The following GANC variants were observed in gnomAD, a reference collection of about 807,000 sequenced individuals.
The protein encoded by GANC is neutral alpha-glucosidase C.
Under a neutral mutation model 124.2 loss-of-function variants are expected in GANC, and 117 were observed. The observed-to-expected ratio is 0.94, with a 90% CI of 0.81 to 1.10. GANC has a LOEUF of 1.10. GANC is among the 50% of genes least tolerant of loss of function. The pLI is 0.00. For missense variants in GANC, 1,140 were observed against 1,095.0 expected (o/e 1.04, Z -0.58); for synonymous variants, 377 against 376.8 (o/e 1.00, Z -0.01).
In GANC at chr15:42,326,444, A is replaced by G; in HGVS notation, c.1420+20A>G. ...GGCCAGGTATGAAATCACTTTATAC[A>G]CTTATTATTTCCACATGTTCTGTCC... On this transcript the variant is annotated intron_variant, in intron 12 of 23. Coordinates refer to ENST00000318010, the MANE Select transcript of GANC (RefSeq NM_198141.3). 6.2e-7 allele frequency: 1 copy of G among 1,613,630 alleles called. No individual in the cohort carries two copies.
At chr15:42,307,645 C>G (rs1424169036) in intron 7 of GANC, among the ~76,000 whole-genome samples, 7 of 152,138 alleles carry the variant, frequency 4.6e-5, no homozygotes, top group Admixed American at 3.9e-4. Context: ...TCCCATAGCT[C>G]TAAAATAATT....
intron 10 of GANC, among the ~76,000 whole-genome samples, chr15:42,315,849 T>G (rs1024871541): frequency 6.6e-6 from 1 of 152,006 alleles, no homozygotes; most frequent in Non-Finnish European, 1.5e-5. Context: ...CAGCCTGCCT[T>G]CAGGCTCAAG....
chr15:42,344,377 C>G lies in GANC; in HGVS notation c.2229+1223C>G, dbSNP rs142881271. 3.7e-3 allele frequency among the ~76,000 whole-genome samples: 568 copies of G among 152,232 alleles called. 3 individuals are homozygous for G. Among genetic ancestry groups the G allele is most frequent in the African/African-American group, 0.013 (544 of 41,512 alleles). On this transcript the variant is annotated intron_variant, in intron 19 of 23. Transcript: ENST00000318010. ...TGTAGCCACGTCACTGCAGTCTCGC[C>G]TATCTTCATGTTGCCTTTTCCTCTG...
In GANC at chr15:42,314,370, A is replaced by G. The variant is rs573347054; in HGVS notation, c.1057+3524A>G. ...GATCTATATTGGAAGGCATCTGACA[A>G]CTTCTACCAGCACCTTTTGATGAAT... On this transcript the variant is annotated intron_variant, in intron 10 of 23. Transcript: ENST00000318010. 7 of 504,466 alleles carry G rather than the reference A, an allele frequency of 1.4e-5. No individual in the cohort carries two copies. In the Admixed American group the frequency reaches 2.4e-4, roughly 18 times the overall value. 31.2% of individuals were successfully genotyped at this position (504,466 alleles called of 1,614,324 possible).
At chr15:42,300,064 C>T (rs1001045065) in intron 6 of GANC, among the ~76,000 whole-genome samples, 1 of 152,174 alleles carries the variant, frequency 6.6e-6, no homozygotes, top group Non-Finnish European at 1.5e-5. Context: ...GCAAAGACTT[C>T]GTGATGAAAG....
chr15:42,282,089 G>A (rs1048660991), intron 3 of GANC, among the ~76,000 whole-genome samples: 2 of 152,156 alleles, frequency 1.3e-5, no homozygotes, highest in South Asian at 2.1e-4. Flanking sequence ...TTGGTAGGCC[G>A]AGGCGGGCAG....
At chr15:42,341,130 A>G (rs2052327067) in intron 18 of GANC, among the ~76,000 whole-genome samples, 1 of 138,970 alleles carries the variant, frequency 7.2e-6, no homozygotes, top group African/African-American at 2.8e-5. Context: ...ATTTTCTAAT[A>G]TAAGAGCAAT....
intron 10 of GANC, chr15:42,314,306 G>C: frequency 1.7e-6 from 1 of 602,960 alleles, no homozygotes; most frequent in Non-Finnish European, 3.0e-6. Context: ...ATTTCCAAAG[G>C]GTTTTGCTGC....
chr15:42,327,112 G>A (rs1176320086), intron 12 of GANC, among the ~76,000 whole-genome samples: 2 of 152,140 alleles, frequency 1.3e-5, no homozygotes, highest in Admixed American at 6.5e-5. Context: ...CATCAGTGAG[G>A]GACAGGCTCT....
At position 42,339,779 on chromosome 15, in the gene GANC, C is replaced by T. The variant is rs761949022; in HGVS notation, c.1954C>T (p.Arg652Ter). ...TGGCCATGCCACCATGAACACCAAG[C>T]GACGAGAGCCCTGGCTCTTTGGGGA... ...FRGHATMNTK[R>*]REPWLFGEEH... Residue 652 changes from arginine to a stop codon, truncating the protein, a stop_gained, in exon 17 of 24, where the codon CGA becomes TGA. Coordinates refer to ENST00000318010, the MANE Select transcript of GANC (RefSeq NM_198141.3). LOFTEE classifies it high-confidence loss of function. 17 of 1,614,114 alleles carry T rather than the reference C, an allele frequency of 1.1e-5. No homozygotes were observed. The East Asian group carries it at 2.5e-4, about 23-fold the overall frequency.
chr15:42,310,184 G>C, intron 8 of GANC, 99 bp from the exon 9 acceptor site: 1 of 881,824 alleles, frequency 1.1e-6, no homozygotes, highest in Non-Finnish European at 1.6e-6. Flanking sequence ...CCAAAGATGC[G>C]TGGGACCTAA....
intron 6 of GANC, among the ~76,000 whole-genome samples, chr15:42,297,906 TTGCTAGGCAAGGA>T (rs1160599446): frequency 1.1e-4 from 16 of 152,192 alleles, no homozygotes; most frequent in Admixed American, 1.0e-3. Context: ...CCAGGCATTA[TTGCTAGGCAAGGA>T]GAATCAGCCT....
Position 42,352,761 on chromosome 15 carries a change from T to A in GANC, c.*622T>A. 4.1e-6 allele frequency: 4 copies of A among 977,800 alleles called. No homozygotes were observed. Among genetic ancestry groups the A allele is most frequent in the Non-Finnish European group, 4.9e-6 (4 of 822,528 alleles). The allele number at this position is 977,800 out of a possible 1,614,324, so 60.6% of individuals were successfully genotyped here. Reference sequence around the variant, plus strand: ...AGTTTCTAATTAATCTTAAAATCCATGTCTTTTACATTGTTTTTTTAATTA... The same window carrying A: ...AGTTTCTAATTAATCTTAAAATCCAAGTCTTTTACATTGTTTTTTTAATTA... On this transcript the variant is annotated 3_prime_UTR_variant, in exon 24 of 24. Transcript: ENST00000318010.
chr15:42,303,934 TAGAC>T (rs1472777709), intron 6 of GANC, among the ~76,000 whole-genome samples: 2 of 152,078 alleles, frequency 1.3e-5, no homozygotes, highest in African/African-American at 4.8e-5. Context: ...TTGTCAATAT[TAGAC>T]AGATTAACGA....
At chr15:42,320,450 G>T (rs1392799499) in intron 10 of GANC, among the ~76,000 whole-genome samples, 1 of 151,978 alleles carries the variant, frequency 6.6e-6, no homozygotes, top group Non-Finnish European at 1.5e-5. Flanking sequence ...TGGAGACTTT[G>T]CTCAAATGTG....
intron 10 of GANC, among the ~76,000 whole-genome samples, chr15:42,316,846 G>A (rs930302751): frequency 6.6e-6 from 1 of 152,174 alleles, no homozygotes; most frequent in Non-Finnish European, 1.5e-5. Flanking sequence ...GCCCTTATGC[G>A]GGCATGACAG....
In GANC at chr15:42,303,946, C is replaced by T. The variant is rs559882306; in HGVS notation, c.559-2600C>T. Among the ~76,000 whole-genome samples the T allele has an allele frequency of 1.2e-4, 18 of 152,148 alleles. No homozygotes were observed. In the South Asian group the frequency reaches 3.7e-3, roughly 32 times the overall value. On this transcript the variant is annotated intron_variant, in intron 6 of 23. Transcript: ENST00000318010. Reference sequence around the variant, plus strand: ...CCATTGTCAATATTAGACAGATTAACGAGACAGAAAATTAACAAGGATACT... The same window carrying T: ...CCATTGTCAATATTAGACAGATTAATGAGACAGAAAATTAACAAGGATACT...
At chr15:42,330,546 CTT>C (rs2052234262) in intron 14 of GANC, 28 bp from the exon 15 acceptor site, 6 of 1,543,966 alleles carry the variant, frequency 3.9e-6, no homozygotes, top group Non-Finnish European at 5.4e-6. Context: ...CCAATCATCT[CTT>C]TGAAATTTTT....
intron 10 of GANC, among the ~76,000 whole-genome samples, chr15:42,318,884 A>C (rs12437815): frequency 1.3e-5 from 2 of 152,124 alleles, no homozygotes; most frequent in African/African-American, 4.8e-5. Flanking sequence ...GTGAGCCACC[A>C]TGCCTGGCCC....
Sources: allele counts gnomAD v4.1 joint callset (sites outside exome capture counted in the v4.1 genomes callset), GRCh38; gene constraint gnomAD v4.1.1; transcripts MANE v1.5; gene names NCBI Gene and HGNC (gene_info 2026-07-23, HGNC 2026-07-21).